NDUFS4: variants seen among roughly 807,000 people sequenced by gnomAD.
The protein encoded by NDUFS4 is NADH dehydrogenase [ubiquinone] iron-sulfur protein 4, mitochondrial.
In NDUFS4, 28 loss-of-function variants were observed where a neutral mutation model predicts 24.3. The observed-to-expected ratio is 1.15, with a 90% confidence interval of 0.85 to 1.58. The LOEUF is 1.58. Among genes scored for constraint, NDUFS4 ranks in the 40% most tolerant of loss-of-function variants. The probability of loss-of-function intolerance (pLI) is 0.00; values close to 1 mark genes in which losing one functional copy is unlikely to be tolerated. For missense variants in NDUFS4, 223 were observed against 207.9 expected, an observed-to-expected ratio of 1.07 and a Z score of -0.45; for synonymous variants, 93 against 69.7, an observed-to-expected ratio of 1.34 and a Z score of -1.67.
intron 2 of NDUFS4, among the ~76,000 whole-genome samples, chr5:53,635,893 ATAGTTTCT>A (rs1363444970): frequency 1.5e-5 from 2 of 130,258 alleles, no homozygotes; most frequent in African/African-American, 6.7e-5. Context: ...TCATCATAAA[ATAGTTTCT>A]TAGTAGACTT....
At chr5:53,588,465 C>T (rs1749841094) in intron 1 of NDUFS4, among the ~76,000 whole-genome samples, 1 of 152,096 alleles carries the variant, frequency 6.6e-6, no homozygotes, top group South Asian at 2.1e-4. Context: ...AATTGAAGTG[C>T]AGAGTTGTGA....
intron 3 of NDUFS4, among the ~76,000 whole-genome samples, chr5:53,648,748 C>G (rs1751933985): frequency 6.6e-6 from 1 of 152,124 alleles, no homozygotes; most frequent in Non-Finnish European, 1.5e-5. Flanking sequence ...GGACTGCCCT[C>G]CTTTGCAACC....
At chr5:53,577,644 A>G (rs1309779011) in intron 1 of NDUFS4, among the ~76,000 whole-genome samples, 1 of 152,154 alleles carries the variant, frequency 6.6e-6, no homozygotes, top group Non-Finnish European at 1.5e-5. Flanking sequence ...ATATTTTCCC[A>G]GGGTTGTAAA....
chr5:53,617,608 C>T, intron 2 of NDUFS4, among the ~76,000 whole-genome samples: 1 of 152,020 alleles, frequency 6.6e-6, no homozygotes, highest in East Asian at 1.9e-4. Flanking sequence ...TCTTCTTTCT[C>T]TCACTTTCCC....
intron 4 of NDUFS4, among the ~76,000 whole-genome samples, chr5:53,670,620 A>ATT (rs1413738856): frequency 1.4e-5 from 2 of 147,494 alleles, no homozygotes; most frequent in South Asian, 2.1e-4. Context: ...CAGGGTATAC[A>ATT]TTATATATAT....
intron 2 of NDUFS4, among the ~76,000 whole-genome samples, chr5:53,616,849 G>C (rs1363295873): frequency 6.6e-6 from 1 of 152,154 alleles, no homozygotes; most frequent in Non-Finnish European, 1.5e-5. Flanking sequence ...AAAGGAAATG[G>C]TTAGTTTGCT....
At chr5:53,630,762 T>C (rs1485800513) in intron 2 of NDUFS4, among the ~76,000 whole-genome samples, 1 of 152,210 alleles carries the variant, frequency 6.6e-6, no homozygotes, top group African/African-American at 2.4e-5. Flanking sequence ...ACACTGGTTG[T>C]TCTAGTCAGC....
At chr5:53,595,036 C>T (rs994270206) in intron 1 of NDUFS4, among the ~76,000 whole-genome samples, 8 of 152,070 alleles carry the variant, frequency 5.3e-5, no homozygotes, top group Non-Finnish European at 2.9e-5. Context: ...CCCACCTTTT[C>T]ACCACTGATT....
In NDUFS4 at chr5:53,594,561, G is replaced by C. The variant is rs1237567117; in HGVS notation, c.99-8891G>C. Among the ~76,000 whole-genome samples the C allele has an allele frequency of 6.5e-4, 98 of 151,034 alleles. 1 individual carries two copies. The highest frequency in any genetic ancestry group is 7.4e-5 in the Non-Finnish European group (5 of 67,940). ...GATATCATTAATATTAATGTCTATTGTGCTCATATCATCTGCATTCCCTCT... is the reference window on the plus strand; with the variant it reads ...GATATCATTAATATTAATGTCTATTCTGCTCATATCATCTGCATTCCCTCT... On this transcript the variant is annotated intron_variant, in intron 1 of 4. Coordinates refer to ENST00000296684, the MANE Select transcript of NDUFS4 (RefSeq NM_002495.4).
intron 2 of NDUFS4, among the ~76,000 whole-genome samples, chr5:53,624,445 CA>C (rs1751156023): frequency 6.6e-6 from 1 of 152,164 alleles, no homozygotes; most frequent in Admixed American, 6.5e-5. Flanking sequence ...GTCATCTTAA[CA>C]ATACTGATGT....
At chr5:53,572,484 GTTTTTC>G (rs1749241778) in intron 1 of NDUFS4, among the ~76,000 whole-genome samples, 1 of 152,054 alleles carries the variant, frequency 6.6e-6, no homozygotes, top group South Asian at 2.1e-4. Flanking sequence ...CTAATCTGTA[GTTTTTC>G]TTTTTCATTC....
Position 53,662,017 on chromosome 5 carries a change from G to T in NDUFS4, c.424+3393G>T, listed in dbSNP as rs1752358206. Among the ~76,000 whole-genome samples the T allele has an allele frequency of 2.6e-5, 4 of 152,248 alleles. No individual in the cohort carries two copies. The South Asian group carries it at 8.3e-4, about 32-fold the overall frequency. On this transcript the variant is annotated intron_variant, in intron 4 of 4. Coordinates refer to ENST00000296684, the MANE Select transcript of NDUFS4 (RefSeq NM_002495.4). ...TTCTCCTGCCTGATTGCCCTGGCCA[G>T]AACTTCCAACACTATGTTGAATAGG...
At chr5:53,673,537 AAGGTAATATG>A (rs1415667777) in intron 4 of NDUFS4, among the ~76,000 whole-genome samples, 1 of 152,160 alleles carries the variant, frequency 6.6e-6, no homozygotes, top group Non-Finnish European at 1.5e-5. Flanking sequence ...TTAAATATAG[AAGGTAATATG>A]ATGGTAAAGA....
chr5:53,682,977 T>TATC, intron 4 of NDUFS4, 141 bp from the exon 5 acceptor site: 4 of 735,618 alleles, frequency 5.4e-6, no homozygotes, highest in Non-Finnish European at 7.5e-6. Context: ...ATAGTAAGTA[T>TATC]ATCTCAGATG....
At chr5:53,674,329 A>G (rs1740385256) in intron 4 of NDUFS4, among the ~76,000 whole-genome samples, 1 of 152,178 alleles carries the variant, frequency 6.6e-6, no homozygotes, top group African/African-American at 2.4e-5. Context: ...GATAGGGCAC[A>G]TGAGTGTCTT....
chr5:53,635,186 G>C (rs1417073907), intron 2 of NDUFS4, among the ~76,000 whole-genome samples: 1 of 129,528 alleles, frequency 7.7e-6, no homozygotes, highest in African/African-American at 3.2e-5. Flanking sequence ...CAAAAACTCT[G>C]TTAAATAAAT....
intron 4 of NDUFS4, among the ~76,000 whole-genome samples, chr5:53,681,223 G>A (rs1264245487): frequency 6.6e-6 from 1 of 152,106 alleles, no homozygotes; most frequent in Non-Finnish European, 1.5e-5. Flanking sequence ...GGCCGTCTGT[G>A]TTTAAATCCT....
intron 3 of NDUFS4, among the ~76,000 whole-genome samples, chr5:53,650,214 A>G (rs542172991): frequency 2.8e-4 from 42 of 152,332 alleles, no homozygotes; most frequent in African/African-American, 1.0e-3. Flanking sequence ...TGTGCCTTGT[A>G]TACGCTAAAT....
intron 1 of NDUFS4, among the ~76,000 whole-genome samples, chr5:53,593,505 TTTG>T (rs1399815593): frequency 1.3e-5 from 2 of 151,874 alleles, no homozygotes; most frequent in African/African-American, 4.8e-5. Flanking sequence ...AGCTTTTGGT[TTTG>T]TTTATTTTTC....
Sources: allele counts gnomAD v4.1 joint callset (sites outside exome capture counted in the v4.1 genomes callset), GRCh38; gene constraint gnomAD v4.1.1; transcripts MANE v1.5; gene names NCBI Gene and HGNC (gene_info 2026-07-23, HGNC 2026-07-21).